The following TIAM1 variants were observed in gnomAD, a reference collection of about 807,000 sequenced individuals.
TIAM1 encodes TIAM Rac1 associated GEF 1.
A neutral mutation model predicts 163.5 loss-of-function variants in TIAM1; 65 were observed. The observed-to-expected ratio is 0.40, with a 90% CI of 0.33 to 0.49. The LOEUF is 0.49. TIAM1 is among the 20% of genes least tolerant of loss of function. The pLI, the probability that TIAM1 is intolerant of heterozygous loss-of-function variation, is 0.77. For synonymous variants in TIAM1, 833 were observed against 810.1 expected (o/e 1.03, Z -0.48); for missense variants, 1,789 against 2,044.7 (o/e 0.87, Z 2.41).
intron 2 of TIAM1, among the ~76,000 whole-genome samples, chr21:31,414,527 A>G (rs1206019147): frequency 7.9e-5 from 12 of 152,160 alleles, no homozygotes. Context: ...TGTCCAGTGA[A>G]CAATCAAAAA....
chr21:31,398,234 C>T (rs1407063490), intron 2 of TIAM1, among the ~76,000 whole-genome samples: 1 of 146,312 alleles, frequency 6.8e-6, no homozygotes, highest in Non-Finnish European at 1.5e-5. Context: ...CACATCAATT[C>T]ACTAACTTGA....
chr21:31,406,173 G>C (rs1429168701), intron 2 of TIAM1, among the ~76,000 whole-genome samples: 5 of 127,254 alleles, frequency 3.9e-5, no homozygotes, highest in African/African-American at 1.5e-4. Context: ...TGGCTTAAAT[G>C]TTATCTTAAA....
intron 1 of TIAM1, among the ~76,000 whole-genome samples, chr21:31,486,826 C>G (rs1157691169): frequency 6.6e-6 from 1 of 152,210 alleles, no homozygotes; most frequent in Non-Finnish European, 1.5e-5. Context: ...AGTCATATCA[C>G]CACTCAGGCC....
intron 1 of TIAM1, among the ~76,000 whole-genome samples, chr21:31,537,442 CA>C (rs10578615): frequency 0.51 from 68,091 of 132,376 alleles, 16,559 homozygotes; most frequent in African/African-American, 0.63. Flanking sequence ...CAAGAAATCG[CA>C]AAAAAAAAAA....
chr21:31,387,347 C>G (rs1355953865), intron 2 of TIAM1, among the ~76,000 whole-genome samples: 1 of 151,356 alleles, frequency 6.6e-6, no homozygotes, highest in African/African-American at 2.4e-5. Context: ...CTCAGCCTCC[C>G]GAGTAGCTGG....
chr21:31,402,613 G>C (rs941611502), intron 2 of TIAM1, among the ~76,000 whole-genome samples: 1 of 152,000 alleles, frequency 6.6e-6, no homozygotes, highest in African/African-American at 2.4e-5. Flanking sequence ...AAGATCCCAA[G>C]AACATAGTAT....
At chr21:31,467,382 C>T (rs570945411) in intron 1 of TIAM1, among the ~76,000 whole-genome samples, 76 of 152,160 alleles carry the variant, frequency 5.0e-4, no homozygotes, top group African/African-American at 1.7e-3. Context: ...CCTGTAATCC[C>T]GGCACTCTGG....
chr21:31,134,265 G>T (rs977685095), intron 23 of TIAM1, among the ~76,000 whole-genome samples: 1 of 151,964 alleles, frequency 6.6e-6, no homozygotes, highest in African/African-American at 2.4e-5. Context: ...TCACTGTGTG[G>T]GTCATTTACA....
chr21:31,207,728 C>G (rs1424228595), intron 11 of TIAM1, among the ~76,000 whole-genome samples: 1 of 152,146 alleles, frequency 6.6e-6, no homozygotes, highest in Non-Finnish European at 1.5e-5. Flanking sequence ...CACAAGTCTT[C>G]CAGTTTTAAA....
At chr21:31,193,590 C>T (rs1429721081) in intron 13 of TIAM1, among the ~76,000 whole-genome samples, 1 of 152,138 alleles carries the variant, frequency 6.6e-6, no homozygotes, top group Non-Finnish European at 1.5e-5. Flanking sequence ...GCGCCTTTTC[C>T]CTTTGCTGAT....
In TIAM1 at chr21:31,470,397, G is replaced by A. The variant is rs546462921; in HGVS notation, c.-421-6362C>T. Among the ~76,000 whole-genome samples the A allele has an allele frequency of 3.3e-5, 5 of 152,018 alleles. No individual in the cohort carries two copies. The South Asian group carries it at 6.2e-4, about 19-fold the overall frequency. On this transcript the variant is annotated intron_variant, in intron 1 of 28. Transcript: ENST00000286827. ...TGCCCAGGCTGGAGTGCAGTGGCAC[G>A]ATCTCGGCTCACTGCAACTTCTACC...
rs1420941435 is a variant in TIAM1 at position 31,118,835 on chromosome 21, G to A, written c.*1533C>T. On this transcript the variant is annotated 3_prime_UTR_variant, in exon 28 of 28. Transcript: ENST00000541036. The stretch of plus-strand genomic sequence containing the variant: ...AGCCCTGGAAACCCGAAAGGCGGGG[G>A]GAATACAGGGTGGGAACGCAGGAAA... 2.8e-6 allele frequency: 1 copy of A among 351,188 alleles called. No individual in the cohort carries two copies. The highest frequency in any genetic ancestry group is 5.6e-6 in the Non-Finnish European group (1 of 179,832). 21.8% of individuals were successfully genotyped at this position (351,188 alleles called of 1,614,324 possible). A position where few individuals can be genotyped will look rare whatever the true frequency, so the allele number is the denominator to read the frequency against.
intron 25 of TIAM1, 91 bp downstream of exon 25, chr21:31,130,122 A>C (rs912111334): frequency 1.2e-5 from 13 of 1,045,128 alleles, no homozygotes; most frequent in African/African-American, 4.8e-5. Flanking sequence ...AGACGGTAGA[A>C]GAGTTAGACC....
At chr21:31,210,657 GAAAGAAAGAAAAAGAAAGAAAGAAAGAA>G (rs1341687397) in intron 10 of TIAM1, among the ~76,000 whole-genome samples, 258 of 21,556 alleles carry the variant, frequency 0.012, 11 homozygotes, top group Middle Eastern at 0.03. Context: ...AAGAAAGAAA[GAAAGAAAGAAAAAGAAAGAAAGAAAGAA>G]AAAGAAAGAA....
intron 1 of TIAM1, among the ~76,000 whole-genome samples, chr21:31,507,941 T>C (rs1368597429): frequency 1.3e-5 from 2 of 152,180 alleles, no homozygotes; most frequent in Admixed American, 6.5e-5. Flanking sequence ...AGGGTCTTCG[T>C]AGACATAATC....
chr21:31,134,613 C>A (rs1179306656), intron 23 of TIAM1, among the ~76,000 whole-genome samples: 2 of 152,150 alleles, frequency 1.3e-5, no homozygotes, highest in East Asian at 1.9e-4. Flanking sequence ...AGGGTTCAAG[C>A]GATTCTCCTG....
chr21:31,357,000 G>T (rs2076327079), intron 2 of TIAM1, among the ~76,000 whole-genome samples: 1 of 152,262 alleles, frequency 6.6e-6, no homozygotes, highest in African/African-American at 2.4e-5. Context: ...TAAAAGAGAA[G>T]TGTAGATTCC....
chr21:31,412,070 T>C (rs1007072220), intron 2 of TIAM1, among the ~76,000 whole-genome samples: 1 of 152,118 alleles, frequency 6.6e-6, no homozygotes, highest in African/African-American at 2.4e-5. Flanking sequence ...AAAGGAAATG[T>C]GATATATATA....
At chr21:31,388,363 G>A (rs943561422) in intron 2 of TIAM1, among the ~76,000 whole-genome samples, 5 of 152,042 alleles carry the variant, frequency 3.3e-5, no homozygotes, top group Non-Finnish European at 7.4e-5. Flanking sequence ...GTGCAGAGCC[G>A]GGCATGGTGG....
Sources: allele counts gnomAD v4.1 joint callset (sites outside exome capture counted in the v4.1 genomes callset), GRCh38; gene constraint gnomAD v4.1.1; transcripts MANE v1.5; gene names NCBI Gene and HGNC (gene_info 2026-07-23, HGNC 2026-07-21).